CACNA1S: variants seen among roughly 807,000 people sequenced by gnomAD.
CACNA1S encodes calcium voltage-gated channel subunit alpha1 S.
CACNA1S carries 126 observed loss-of-function variants against 207.4 expected under a neutral mutation model. The ratio of observed to expected loss-of-function variants is 0.61; its 90% CI spans 0.53 to 0.70. CACNA1S has a LOEUF of 0.70. Among genes scored for constraint, CACNA1S ranks in the 30% least tolerant of loss-of-function variants. The pLI, the probability that CACNA1S is intolerant of heterozygous loss-of-function variation, is 0.00. For synonymous variants in CACNA1S, 960 were observed against 932.7 expected (o/e 1.03, Z -0.53); for missense variants, 2,349 against 2,422.8 (o/e 0.97, Z 0.64).
intron 28 of CACNA1S, among the ~76,000 whole-genome samples, chr1:201,056,066 G>GACACAC (rs1350288817): frequency 1.8e-3 from 122 of 68,326 alleles, no homozygotes; most frequent in African/African-American, 6.7e-3. Context: ...CAGACAGACA[G>GACACAC]ACAGACACAC....
chr1:201,052,884 C>G (rs879517675), intron 31 of CACNA1S, among the ~76,000 whole-genome samples: 1 of 152,046 alleles, frequency 6.6e-6, no homozygotes, highest in Non-Finnish European at 1.5e-5. Context: ...TTCCCAGCAG[C>G]AAGCAGACCC....
Position 201,082,902 on chromosome 1 carries a change from T to A in CACNA1S, c.1393+260A>T, listed in dbSNP as rs528600448. 7.9e-5 allele frequency among the ~76,000 whole-genome samples: 12 copies of A among 152,374 alleles called. No individual in the cohort carries two copies. The South Asian group carries it at 2.5e-3, about 32-fold the overall frequency. On this transcript the variant is annotated intron_variant, in intron 10 of 43. Coordinates refer to ENST00000362061, the MANE Select transcript of CACNA1S (RefSeq NM_000069.3). ...GCAAGCACCTGTCCCAGCCTATTGC[T>A]TTTACTGACCTTGGTAAGTAACAAA...
intron 19 of CACNA1S, among the ~76,000 whole-genome samples, chr1:201,067,906 T>C (rs1661305038): frequency 6.6e-6 from 1 of 152,178 alleles, no homozygotes; most frequent in African/African-American, 2.4e-5. Flanking sequence ...TCTGAGCCTG[T>C]TCCTGGGGCT....
chr1:201,054,772 G>C (rs906596350), intron 28 of CACNA1S, among the ~76,000 whole-genome samples: 2 of 152,206 alleles, frequency 1.3e-5, no homozygotes, highest in Non-Finnish European at 2.9e-5. Flanking sequence ...TGTGAGGCAA[G>C]AGGTGGGGGA....
intron 26 of CACNA1S, 24 bp downstream of exon 26, chr1:201,060,634 A>G (rs755719522): frequency 1.9e-6 from 3 of 1,613,622 alleles, no homozygotes; most frequent in Non-Finnish European, 1.7e-6. Context: ...CTGATCAGAC[A>G]TTTTTCTCCT....
chr1:201,089,500 T>C, intron 5 of CACNA1S, 37 bp from the exon 6 acceptor site: 2 of 1,597,230 alleles, frequency 1.3e-6, no homozygotes, highest in Non-Finnish European at 8.6e-7. Flanking sequence ...CAGACAACAG[T>C]AGTAGGTGGA....
rs1205241870 is a variant in CACNA1S at position 201,091,607 on chromosome 1, T to C, written c.694+33A>G. Reference sequence around the variant, plus strand: ...CCCCCTTCTGAGCCATCCTAGGCCCTGCCCCACAGCCCCACTTTCCCTGGG... The same window carrying C: ...CCCCCTTCTGAGCCATCCTAGGCCCCGCCCCACAGCCCCACTTTCCCTGGG... On this transcript the variant is annotated intron_variant, in intron 5 of 43. Coordinates refer to ENST00000362061, the MANE Select transcript of CACNA1S (RefSeq NM_000069.3). 3 of 1,613,748 alleles carry C rather than the reference T, an allele frequency of 1.9e-6. 1 individual carries two copies. The highest frequency in any genetic ancestry group is 2.2e-5 in the South Asian group (2 of 91,070).
At chr1:201,068,099 T>C (rs1661311742) in intron 19 of CACNA1S, among the ~76,000 whole-genome samples, 1 of 152,048 alleles carries the variant, frequency 6.6e-6, no homozygotes, top group African/African-American at 2.4e-5. Flanking sequence ...AAAGGCGTGA[T>C]AGGGCAGAGC....
intron 18 of CACNA1S, 65 bp downstream of exon 18, chr1:201,069,407 T>C (rs1572042386): frequency 1.9e-6 from 3 of 1,595,862 alleles, no homozygotes; most frequent in Admixed American, 3.5e-5. Context: ...AGCTGAACCC[T>C]GGGCACCAGA....
intron 2 of CACNA1S, among the ~76,000 whole-genome samples, chr1:201,095,384 T>G (rs1176434424): frequency 6.6e-6 from 1 of 152,090 alleles, no homozygotes; most frequent in Non-Finnish European, 1.5e-5. Flanking sequence ...TCACAGTTCC[T>G]TAACTGCGGA....
chr1:201,039,775 T>A lies in CACNA1S; in HGVS notation c.*56A>T. ...GCTAGCCCTTCTCCACCCCAGCAAC[T>A]TCCCCACCCCCATTGGTCATGCCAG... On this transcript the variant is annotated 3_prime_UTR_variant, in exon 44 of 44. Transcript: ENST00000362061. 6.3e-7 allele frequency: 1 copy of A among 1,598,796 alleles called. No homozygotes were observed. Among genetic ancestry groups the A allele is most frequent in the South Asian group, 1.1e-5 (1 of 90,962 alleles).
At position 201,065,934 on chromosome 1, in the gene CACNA1S, C is replaced by T. The variant is rs1260781363; in HGVS notation, c.2757G>A (p.Gln919=). The T allele has an allele frequency of 6.2e-7, 1 of 1,612,030 alleles. No homozygotes were observed. Among genetic ancestry groups the T allele is most frequent in the African/African-American group, 1.3e-5 (1 of 74,894 alleles). The part of the protein sequence containing the change: ...NRAKGLKHVV[Q]CMFVAISTIG... ...TGGTGCTGATGGCCACGAACATGCA[C>T]TGCACCACGTGCTGGGGACAGAGGG... The change falls in exon 22 of 44, where the codon CAG becomes CAA. Residue 919 remains glutamine (Q), a synonymous_variant. Coordinates refer to ENST00000362061, the MANE Select transcript of CACNA1S (RefSeq NM_000069.3).
At position 201,069,483 on chromosome 1, in the gene CACNA1S, T is replaced by G; in HGVS notation, c.2479A>C (p.Met827Leu). The G allele has an allele frequency of 6.2e-7, 1 of 1,604,850 alleles. No individual in the cohort carries two copies. The highest frequency in any genetic ancestry group is 8.5e-7 in the Non-Finnish European group (1 of 1,176,860). Reference protein sequence around the residue: ...AAEDPIRADSMRNQILKHFDI... With the variant: ...AAEDPIRADSLRNQILKHFDI... ...GTGAAGCCCGTCACCTGATTTCTCA[T>G]GGAATCAGCCCGGATGGGGTCTTCC... Residue 827 changes from methionine to leucine, a missense_variant, in exon 18 of 44, where the codon ATG becomes CTG. Physicochemically the swap from Met to Leu is conservative, Grantham distance 15. Coordinates refer to ENST00000362061, the MANE Select transcript of CACNA1S (RefSeq NM_000069.3).
At chr1:201,047,922 C>T (rs1298055842) in intron 36 of CACNA1S, among the ~76,000 whole-genome samples, 1 of 152,216 alleles carries the variant, frequency 6.6e-6, no homozygotes, top group Non-Finnish European at 1.5e-5. Flanking sequence ...TTTCAATTCC[C>T]CAGGCACTGT....
intron 38 of CACNA1S, 41 bp from the exon 39 acceptor site, chr1:201,044,497 G>A: frequency 1.2e-6 from 2 of 1,605,934 alleles, no homozygotes; most frequent in Non-Finnish European, 1.7e-6. Context: ...TCCAGCCCAG[G>A]AGAGGAGACC....
At chr1:201,074,328 C>T (rs1374914166) in intron 14 of CACNA1S, among the ~76,000 whole-genome samples, 178 bp downstream of exon 14, 1 of 152,220 alleles carries the variant, frequency 6.6e-6, no homozygotes, top group African/African-American at 2.4e-5. Flanking sequence ...TCTGTTCTTG[C>T]CCCCAGGGAA....
At chr1:201,068,176 G>T (rs1159174502) in intron 19 of CACNA1S, among the ~76,000 whole-genome samples, 1 of 148,018 alleles carries the variant, frequency 6.8e-6, no homozygotes, top group African/African-American at 2.5e-5. Context: ...GGCCTTTCCA[G>T]TCACTGTTAA....
At chr1:201,098,284 G>A (rs1238732137) in intron 2 of CACNA1S, among the ~76,000 whole-genome samples, 2 of 152,170 alleles carry the variant, frequency 1.3e-5, no homozygotes, top group African/African-American at 2.4e-5. Context: ...GCACACCGTC[G>A]ATATCACTCT....
At chr1:201,073,838 A>G (rs1661504615) in intron 14 of CACNA1S, among the ~76,000 whole-genome samples, 196 bp from the exon 15 acceptor site, 1 of 152,168 alleles carries the variant, frequency 6.6e-6, no homozygotes, top group South Asian at 2.1e-4. Flanking sequence ...GACACACAGC[A>G]TGGGCCCATG....
Sources: allele counts gnomAD v4.1 joint callset (sites outside exome capture counted in the v4.1 genomes callset), GRCh38; gene constraint gnomAD v4.1.1; transcripts MANE v1.5; gene names NCBI Gene and HGNC (gene_info 2026-07-23, HGNC 2026-07-21).